The following SH3KBP1 variants were observed in gnomAD, a reference collection of about 807,000 sequenced individuals.
The protein encoded by SH3KBP1 is SH3 domain-containing kinase-binding protein 1.
SH3KBP1 carries 8 observed loss-of-function variants against 50.1 expected under a neutral mutation model. The observed-to-expected ratio is 0.16, with a 90% confidence interval of 0.09 to 0.29. The LOEUF (loss-of-function observed/expected upper bound fraction) is 0.29, where lower values mean the gene tolerates loss of function less well. Among genes scored for constraint, SH3KBP1 ranks in the 10% least tolerant of loss-of-function variants. The pLI, the probability that SH3KBP1 is intolerant of heterozygous loss-of-function variation, is 1.00. For synonymous variants in SH3KBP1, 227 were observed against 218.6 expected (o/e 1.04, Z -0.34); for missense variants, 377 against 535.2 (o/e 0.70, Z 2.92).
At chrX:19,818,612 G>A (rs747679711) in intron 2 of SH3KBP1, among the ~76,000 whole-genome samples, 2 of 111,408 alleles carry the variant, frequency 1.8e-5, no homozygotes, top group African/African-American at 6.5e-5. Flanking sequence ...CTAGTTTGCT[G>A]AGAGTTTTTA....
chrX:19,748,713 C>T (rs1237990136), intron 2 of SH3KBP1, among the ~76,000 whole-genome samples: 6 of 110,724 alleles, frequency 5.4e-5, no homozygotes, highest in Non-Finnish European at 1.1e-4. Context: ...ATTCTATAGG[C>T]TCCCCACCTG....
intron 1 of SH3KBP1, among the ~76,000 whole-genome samples, chrX:19,848,500 G>A (rs1348228115): frequency 1.8e-5 from 2 of 112,569 alleles, no homozygotes; most frequent in African/African-American, 6.4e-5. Context: ...CTTTCACAGT[G>A]ATACTTTTAA....
At chrX:19,602,615 C>CT (rs1223004828) in intron 9 of SH3KBP1, among the ~76,000 whole-genome samples, 1 of 112,208 alleles carries the variant, frequency 8.9e-6, no homozygotes, top group East Asian at 2.8e-4. Flanking sequence ...ATATTTCTTT[C>CT]TTTTGGAAGG....
At chrX:19,691,800 G>A (rs1332648468) in intron 5 of SH3KBP1, among the ~76,000 whole-genome samples, 1 of 111,245 alleles carries the variant, frequency 9.0e-6, no homozygotes, top group Non-Finnish European at 1.9e-5. Flanking sequence ...TTATGTGTGT[G>A]AGATAAATGG....
intron 4 of SH3KBP1, among the ~76,000 whole-genome samples, chrX:19,697,748 A>G (rs773752281): frequency 8.9e-6 from 1 of 112,257 alleles, no homozygotes; most frequent in African/African-American, 3.2e-5. Context: ...GTAGGCTTTT[A>G]GAAGAAGAAA....
chrX:19,640,190 A>C (rs73459631), intron 7 of SH3KBP1, among the ~76,000 whole-genome samples: 2,702 of 111,860 alleles, frequency 0.024, 74 homozygotes, highest in African/African-American at 0.083. Context: ...TTTTAAAAAA[A>C]TTATATCAGG....
intron 2 of SH3KBP1, among the ~76,000 whole-genome samples, chrX:19,780,923 T>C (rs1015279336): frequency 8.0e-4 from 90 of 112,370 alleles, no homozygotes; most frequent in Non-Finnish European, 1.4e-3. Context: ...TATTGTCTTA[T>C]AATCAATTCC....
chrX:19,852,266 T>G (rs1280882808), intron 1 of SH3KBP1, among the ~76,000 whole-genome samples: 1 of 111,001 alleles, frequency 9.0e-6, no homozygotes, highest in Non-Finnish European at 1.9e-5. Flanking sequence ...CCCCCAGCTG[T>G]CATGTCCACT....
chrX:19,562,504 T>C (rs1257039965), intron 13 of SH3KBP1, among the ~76,000 whole-genome samples: 2 of 111,798 alleles, frequency 1.8e-5, no homozygotes. Context: ...TCTATGAGAC[T>C]ACTTTGAATC....
intron 9 of SH3KBP1, among the ~76,000 whole-genome samples, chrX:19,605,300 T>C (rs2067211727): frequency 8.9e-6 from 1 of 111,742 alleles, no homozygotes; most frequent in Non-Finnish European, 1.9e-5. Context: ...GTAATGCATA[T>C]GGTAATTAGC....
intron 13 of SH3KBP1, among the ~76,000 whole-genome samples, chrX:19,551,246 C>T (rs1460407793): frequency 8.9e-6 from 1 of 111,848 alleles, no homozygotes; most frequent in African/African-American, 3.3e-5. Context: ...CAGGGCAAGG[C>T]AGGTATAACG....
rs3036638 is a variant in SH3KBP1 at position 19,611,956 on chromosome X, G to GAAAAAAAAAAAA, written c.898-3923_898-3912dup. Among the ~76,000 whole-genome samples the GAAAAAAAAAAAA allele has an allele frequency of 7.1e-4, 27 of 37,914 alleles. 1 individual carries two copies. Among genetic ancestry groups the GAAAAAAAAAAAA allele is most frequent in the Admixed American group, 1.2e-3 (3 of 2,495 alleles). The allele number at this position is 37,914 out of a possible 115,157, so 32.9% of individuals were successfully genotyped here. A position where few individuals can be genotyped will look rare whatever the true frequency, so the allele number is the denominator to read the frequency against. On this transcript the variant is annotated intron_variant, in intron 8 of 17. Transcript: ENST00000397821. The stretch of plus-strand genomic sequence containing the variant: ...TGATTTAGTGCTACTAGCAGAAGTA[G>GAAAAAAAAAAAA]AAAAAAAAAAAAAAAAAAAAAACAA...
Position 19,722,130 on chromosome X carries a change from A to G in SH3KBP1, c.287-15146T>C, listed in dbSNP as rs2064073182. On this transcript the variant is annotated intron_variant, in intron 3 of 17. Coordinates refer to ENST00000397821, the MANE Select transcript of SH3KBP1 (RefSeq NM_031892.3). ...TTCATAAGCTTTGGAGTAACACATC[A>G]TAACAAAAGAGCCACTTTGGGCAAC... Among the ~76,000 whole-genome samples the G allele has an allele frequency of 2.7e-5, 3 of 112,521 alleles. 1 individual carries two copies. The Admixed American group carries it at 2.8e-4, about 11-fold the overall frequency.
At chrX:19,878,505 TGAGAGAGAGA>T (rs57445899) in intron 1 of SH3KBP1, among the ~76,000 whole-genome samples, 50 of 48,245 alleles carry the variant, frequency 1.0e-3, no homozygotes, top group African/African-American at 1.4e-3. Flanking sequence ...TGTGTGTGTG[TGAGAGAGAGA>T]GAGAGAGAGA....
intron 13 of SH3KBP1, among the ~76,000 whole-genome samples, chrX:19,557,329 T>C (rs1293354361): frequency 1.8e-5 from 2 of 112,484 alleles, no homozygotes; most frequent in African/African-American, 6.5e-5. Flanking sequence ...GTTAAGAGAA[T>C]GTTTGGCTAT....
In SH3KBP1 at chrX:19,578,546, G is replaced by C. The variant is rs772549849; in HGVS notation, c.1299-9358C>G. ...TGAGAGTGGGGAGTGATATACCCAA[G>C]GCCACCTAGTTGATTGGTGGCAGAG... is the stretch of plus-strand genomic sequence containing the variant. On this transcript the variant is annotated intron_variant, in intron 12 of 17. Transcript: ENST00000397821. 6.3e-5 allele frequency among the ~76,000 whole-genome samples: 7 copies of C among 111,904 alleles called. No individual in the cohort carries two copies. In the East Asian group the frequency reaches 2.0e-3, roughly 31 times the overall value.
At chrX:19,644,295 G>A (rs1328871010) in intron 7 of SH3KBP1, among the ~76,000 whole-genome samples, 1 of 111,783 alleles carries the variant, frequency 8.9e-6, no homozygotes, top group Non-Finnish European at 1.9e-5. Flanking sequence ...CCTAGTATTT[G>A]ATAGCACAAG....
chrX:19,727,635 T>A (rs1182457992), intron 3 of SH3KBP1, among the ~76,000 whole-genome samples: 2 of 112,733 alleles, frequency 1.8e-5, no homozygotes, highest in African/African-American at 6.4e-5. Context: ...CCCTTGTTGA[T>A]CCCTTTCTAT....
chrX:19,827,369 T>C (rs1197762951), intron 2 of SH3KBP1, among the ~76,000 whole-genome samples: 2 of 111,905 alleles, frequency 1.8e-5, no homozygotes, highest in Admixed American at 9.5e-5. Context: ...ACCCCTATCA[T>C]AGCTTCCTGC....
Sources: allele counts gnomAD v4.1 joint callset (sites outside exome capture counted in the v4.1 genomes callset), GRCh38; gene constraint gnomAD v4.1.1; transcripts MANE v1.5; gene names NCBI Gene and HGNC (gene_info 2026-07-23, HGNC 2026-07-21).